The following ARHGAP44 variants were observed in gnomAD, a reference collection of about 807,000 sequenced individuals.
The protein encoded by ARHGAP44 is rho GTPase-activating protein 44.
Under a neutral mutation model 106.8 loss-of-function variants are expected in ARHGAP44, and 43 were observed. The observed-to-expected ratio is 0.40, with a 90% CI of 0.32 to 0.52. ARHGAP44 has a LOEUF of 0.52. Ranked by LOEUF, ARHGAP44 falls within the 20% of genes least tolerant of loss-of-function variation. ARHGAP44 has a pLI of 0.48. For missense variants in ARHGAP44, 866 were observed against 1,050.5 expected, an observed-to-expected ratio of 0.82 and a Z score of 2.43; for synonymous variants, 439 against 410.3, an observed-to-expected ratio of 1.07 and a Z score of -0.85.
At chr17:12,873,270 A>G (rs1046933121) in intron 1 of ARHGAP44, among the ~76,000 whole-genome samples, 2 of 152,074 alleles carry the variant, frequency 1.3e-5, no homozygotes, top group African/African-American at 4.8e-5. Flanking sequence ...GCCATTTCAG[A>G]CTTTTCCCAT....
At chr17:12,832,209 T>C (rs962030413) in intron 1 of ARHGAP44, among the ~76,000 whole-genome samples, 1 of 152,156 alleles carries the variant, frequency 6.6e-6, no homozygotes, top group African/African-American at 2.4e-5. Context: ...TTTTAAAGGA[T>C]AATTTGATGG....
In ARHGAP44 at chr17:12,974,283, G is replaced by T. The variant is rs1342275259; in HGVS notation, c.1736G>T (p.Gly579Val). Residue 579 changes from glycine to valine, a missense_variant, in exon 18 of 21, where the codon GGC becomes GTC. By Grantham distance (109) the Gly-to-Val change is moderately radical. Transcript: ENST00000379672. ...AAPALSPSGL[G>V]LQPGPERTST... ...CCCGCGCTCTCTCCATCCGGCCTGG[G>T]CCTCCAGCCTGGGCCCGAGCGCACC... 11 of 1,470,414 alleles carry T rather than the reference G, an allele frequency of 7.5e-6. No homozygotes were observed. Among genetic ancestry groups the T allele is most frequent in the Non-Finnish European group, 9.8e-6 (11 of 1,117,108 alleles). 91.1% of individuals were successfully genotyped at this position (1,470,414 alleles called of 1,614,324 possible). A position where few individuals can be genotyped will look rare whatever the true frequency, so the allele number is the denominator to read the frequency against.
At chr17:12,843,262 C>A (rs551622270) in intron 1 of ARHGAP44, among the ~76,000 whole-genome samples, 9 of 152,270 alleles carry the variant, frequency 5.9e-5, no homozygotes, top group African/African-American at 1.9e-4. Flanking sequence ...TGTTTCTCCC[C>A]CCACCTCCCC....
chr17:12,896,835 G>A (rs2037220706), intron 3 of ARHGAP44, among the ~76,000 whole-genome samples: 1 of 152,148 alleles, frequency 6.6e-6, no homozygotes, highest in African/African-American at 2.4e-5. Context: ...ATCCTTGATC[G>A]ATATCTGACC....
chr17:12,813,577 C>A (rs1465004560), intron 1 of ARHGAP44, among the ~76,000 whole-genome samples: 1 of 152,132 alleles, frequency 6.6e-6, no homozygotes, highest in Non-Finnish European at 1.5e-5. Flanking sequence ...TTCACTGTGA[C>A]TTCTATTCAA....
chr17:12,885,012 T>C (rs2036842495), intron 1 of ARHGAP44, among the ~76,000 whole-genome samples: 1 of 152,206 alleles, frequency 6.6e-6, no homozygotes, highest in South Asian at 2.1e-4. Context: ...GCGATTCTTC[T>C]GCCTCAGCCT....
intron 1 of ARHGAP44, among the ~76,000 whole-genome samples, chr17:12,884,723 C>T (rs558900308): frequency 5.9e-5 from 9 of 152,254 alleles, no homozygotes; most frequent in Admixed American, 3.3e-4. Flanking sequence ...TCACCCACTG[C>T]GCTGCTTTCC....
intron 1 of ARHGAP44, among the ~76,000 whole-genome samples, chr17:12,805,743 T>G (rs1293663312): frequency 1.3e-5 from 2 of 152,222 alleles, no homozygotes; most frequent in Non-Finnish European, 2.9e-5. Context: ...GAGAATAGCA[T>G]GCAGCATGTT....
At chr17:12,919,654 G>A in intron 5 of ARHGAP44, 101 bp from the exon 6 acceptor site, 2 of 969,700 alleles carry the variant, frequency 2.1e-6, no homozygotes, top group Non-Finnish European at 3.0e-6. Flanking sequence ...CCAAAGTGCT[G>A]GGATTAGAGG....
intron 15 of ARHGAP44, among the ~76,000 whole-genome samples, chr17:12,957,412 C>A (rs2143162249): frequency 6.6e-6 from 1 of 152,278 alleles, no homozygotes; most frequent in Non-Finnish European, 1.5e-5. Flanking sequence ...TCCTCTGCCC[C>A]AAATCCTTCA....
intron 7 of ARHGAP44, among the ~76,000 whole-genome samples, chr17:12,930,567 G>A (rs1046952888): frequency 1.8e-4 from 28 of 151,976 alleles, no homozygotes; most frequent in African/African-American, 6.5e-4. Flanking sequence ...ATCTACCATG[G>A]ATCTATGTTC....
chr17:12,956,573 C>T, intron 14 of ARHGAP44, 82 bp from the exon 15 acceptor site: 1 of 1,232,048 alleles, frequency 8.1e-7, no homozygotes, highest in Non-Finnish European at 1.2e-6. Context: ...CCTTCCTGGG[C>T]TCTGCAGCCA....
chr17:12,946,641 A>G (rs910820916), intron 10 of ARHGAP44, among the ~76,000 whole-genome samples: 2 of 152,080 alleles, frequency 1.3e-5, no homozygotes, highest in Non-Finnish European at 1.5e-5. Context: ...TCTACTAAAA[A>G]TACAAAAATT....
chr17:12,915,834 GA>G, intron 4 of ARHGAP44, 65 bp from the exon 5 acceptor site: 1 of 1,377,840 alleles, frequency 7.3e-7, no homozygotes, highest in Non-Finnish European at 1.0e-6. Context: ...GAGGTGAGGG[GA>G]GGGTAACGCC....
rs974838060 is a variant in ARHGAP44, at chr17:12,909,502, C to T, written c.275+529C>T. On this transcript the variant is annotated intron_variant, in intron 4 of 20. Transcript: ENST00000379672. ...TCAAACAATATTAAAAAAGAATAGGCGGGATTGAAGGCAAACCAAAGAGAA... is the reference window on the plus strand; with the variant it reads ...TCAAACAATATTAAAAAAGAATAGGTGGGATTGAAGGCAAACCAAAGAGAA... 5.3e-5 allele frequency among the ~76,000 whole-genome samples: 8 copies of T among 151,864 alleles called. No homozygotes were observed. The South Asian group carries it at 1.5e-3, about 28-fold the overall frequency.
At chr17:12,897,917 T>C (rs1451648867) in intron 3 of ARHGAP44, among the ~76,000 whole-genome samples, 1 of 152,064 alleles carries the variant, frequency 6.6e-6, no homozygotes, top group East Asian at 1.9e-4. Context: ...TTTCATTGGA[T>C]TGAGAGTCTT....
intron 7 of ARHGAP44, among the ~76,000 whole-genome samples, chr17:12,938,971 A>G (rs994244512): frequency 2.6e-5 from 4 of 152,212 alleles, no homozygotes; most frequent in African/African-American, 9.6e-5. Context: ...TGCAACGTTT[A>G]GTCCTTCAGG....
intron 1 of ARHGAP44, among the ~76,000 whole-genome samples, chr17:12,837,749 T>C (rs1029095064): frequency 6.6e-6 from 1 of 152,104 alleles, no homozygotes; most frequent in African/African-American, 2.4e-5. Context: ...GGATGTATCA[T>C]TAGAATGAGT....
At chr17:12,908,119 G>A (rs1353058842) in intron 3 of ARHGAP44, among the ~76,000 whole-genome samples, 1 of 150,408 alleles carries the variant, frequency 6.6e-6, no homozygotes, top group African/African-American at 2.5e-5. Context: ...TTATTTTCAT[G>A]CTTACTCTTT....
Sources: gnomAD v4.1 joint callset for allele counts (sites outside exome capture counted in the v4.1 genomes callset) on GRCh38, gnomAD v4.1.1 for gene constraint, MANE v1.5 for transcripts, NCBI Gene and HGNC (gene_info 2026-07-23, HGNC 2026-07-21) for gene names.